The following TVP23A variants were observed in gnomAD, a reference collection of about 807,000 sequenced individuals.
TVP23A encodes trans-golgi network vesicle protein 23 homolog A.
In TVP23A, 21 loss-of-function variants were observed where a neutral mutation model predicts 31.7. The observed-to-expected ratio is 0.66, with a 90% CI of 0.47 to 0.95. TVP23A has a LOEUF of 0.95. TVP23A is among the 40% of genes least tolerant of loss of function. The pLI is 0.00. For missense variants in TVP23A, 279 were observed against 255.6 expected, an observed-to-expected ratio of 1.09 and a Z score of -0.62; for synonymous variants, 104 against 96.0, an observed-to-expected ratio of 1.08 and a Z score of -0.49.
rs2031165713 is a variant in TVP23A at position 10,768,063 on chromosome 16, T to A, written c.*1039A>T. ...TATTTCCATGAGTACTAAATGCAGA[T>A]GCCTGTGGGGCAGGAAGCAACATAA... On this transcript the variant is annotated 3_prime_UTR_variant, in exon 8 of 8. Transcript: ENST00000299866. This position sits in a 1 kb window ranked among gnomAD's most constrained non-coding sequence, Gnocchi z 4.3. 1 of 1,600,688 alleles carries A rather than the reference T, an allele frequency of 6.2e-7. No individual in the cohort carries two copies. Among genetic ancestry groups the A allele is most frequent in the Non-Finnish European group, 8.6e-7 (1 of 1,168,364 alleles).
rs138334387 is a variant in TVP23A, at chr16:10,775,140, G to T, written c.90-44C>A. Reference sequence around the variant, plus strand: ...GGCGCCCTCACTCCAAGAGCTAAGCGGATGGTCACTGAACTCCCTTTACCA... The same window carrying T: ...GGCGCCCTCACTCCAAGAGCTAAGCTGATGGTCACTGAACTCCCTTTACCA... On this transcript the variant is annotated intron_variant, in intron 2 of 7. Coordinates refer to ENST00000299866, the MANE Select transcript of TVP23A (RefSeq NM_001079512.4). 2.5e-6 allele frequency: 4 copies of T among 1,575,602 alleles called. No homozygotes were observed. In the African/African-American group the frequency reaches 4.1e-5, roughly 16 times the overall value.
intron 2 of TVP23A, among the ~76,000 whole-genome samples, chr16:10,781,131 C>T (rs1322896000): frequency 2.6e-5 from 4 of 152,018 alleles, no homozygotes; most frequent in African/African-American, 9.7e-5. Context: ...GAGTTCAAGA[C>T]CAGCCTGGAC....
chr16:10,772,391 A>G (rs564895628), intron 5 of TVP23A, among the ~76,000 whole-genome samples: 1 of 152,184 alleles, frequency 6.6e-6, no homozygotes, highest in Admixed American at 6.5e-5. Flanking sequence ...TTTTTTTAAG[A>G]CGGAGCCTCA....
At chr16:10,787,065 C>T (rs1269789975) in intron 2 of TVP23A, among the ~76,000 whole-genome samples, 2 of 152,130 alleles carry the variant, frequency 1.3e-5, no homozygotes, top group African/African-American at 4.8e-5. Context: ...AAAAAAGAGG[C>T]CACCCCTCTC....
At chr16:10,774,246 AAG>A in intron 3 of TVP23A, 118 bp from the exon 4 acceptor site, 1 of 674,422 alleles carries the variant, frequency 1.5e-6, no homozygotes, top group Non-Finnish European at 2.4e-6. Context: ...AGGAAGAAAA[AAG>A]GCCTTGAATT....
In TVP23A at chr16:10,769,093, C is replaced by T. The variant is rs2031319822; in HGVS notation, c.*9G>A. On this transcript the variant is annotated 3_prime_UTR_variant, in exon 8 of 8. Transcript: ENST00000299866. ...TCCATCAGTCAAAAGAAGAGAACCT[C>T]ATCAGTTCCTGAAACGAGAGAATGT... is the stretch of plus-strand genomic sequence containing the variant. 6.2e-7 allele frequency: 1 copy of T among 1,614,032 alleles called. No individual in the cohort carries two copies. Among genetic ancestry groups the T allele is most frequent in the Non-Finnish European group, 8.5e-7 (1 of 1,179,976 alleles).
chr16:10,757,950 T>C (rs765868039), downstream of TVP23A: 5 of 1,613,814 alleles, frequency 3.1e-6, no homozygotes, highest in Non-Finnish European at 4.2e-6. This position sits in a 1 kb window ranked among gnomAD's most constrained non-coding sequence, Gnocchi z 4.1. Flanking sequence ...ACCTGGGACG[T>C]CGGATGAACA....
intron 2 of TVP23A, among the ~76,000 whole-genome samples, chr16:10,815,071 C>T (rs1339529795): frequency 6.6e-6 from 1 of 152,182 alleles, no homozygotes; most frequent in Non-Finnish European, 1.5e-5. Context: ...ATAGGAGCCC[C>T]AGCTTCTGCC....
In TVP23A at chr16:10,794,055, G is replaced by A. The variant is rs150186215; in HGVS notation, c.90-18959C>T. Among the ~76,000 whole-genome samples, 487 of 152,218 alleles carry A rather than the reference G, an allele frequency of 3.2e-3. 3 individuals are homozygous for A. The highest frequency in any genetic ancestry group is 0.011 in the African/African-American group (459 of 41,536). ...CATTGAATGCTGCACCCCCAGGAGG[G>A]GAGGAACACTGTCTTCACATGTCAG... On this transcript the variant is annotated intron_variant, in intron 2 of 7. Transcript: ENST00000299866.
intron 2 of TVP23A, among the ~76,000 whole-genome samples, chr16:10,798,852 T>TG (rs2033547711): frequency 6.6e-6 from 1 of 151,844 alleles, no homozygotes; most frequent in African/African-American, 2.4e-5. Context: ...TTAGAAGAGA[T>TG]GGGGTTTCAC....
intron 2 of TVP23A, among the ~76,000 whole-genome samples, chr16:10,793,041 C>T (rs2033191922): frequency 6.6e-6 from 1 of 152,206 alleles, no homozygotes; most frequent in Non-Finnish European, 1.5e-5. Context: ...GTAATCCCAG[C>T]ACTCTGGGAG....
intron 2 of TVP23A, among the ~76,000 whole-genome samples, chr16:10,780,875 T>C (rs1050091591): frequency 6.6e-6 from 1 of 151,748 alleles, no homozygotes; most frequent in Non-Finnish European, 1.5e-5. Context: ...ACCACAACTT[T>C]CTCTCACTCC....
At chr16:10,775,739 CTTTT>C (rs1291331666) in intron 2 of TVP23A, among the ~76,000 whole-genome samples, 7 of 138,904 alleles carry the variant, frequency 5.0e-5, no homozygotes, top group African/African-American at 8.4e-5. Context: ...GTGTAAATTG[CTTTT>C]CTTTTTTTTT....
rs143420713 is a variant in TVP23A at position 10,806,459 on chromosome 16, G to C, written c.89+11644C>G. 4.5e-3 allele frequency among the ~76,000 whole-genome samples: 687 copies of C among 152,318 alleles called. 3 individuals are homozygous for C. The highest frequency in any genetic ancestry group is 6.8e-3 in the Middle Eastern group (2 of 294). ...TCTCCCAAATGCCTTCCCAGATTAT[G>C]TGGGTCACAGGTCAGCAGAAATCAC... On this transcript the variant is annotated intron_variant, in intron 2 of 7. Coordinates refer to ENST00000299866, the MANE Select transcript of TVP23A (RefSeq NM_001079512.4).
intron 2 of TVP23A, among the ~76,000 whole-genome samples, chr16:10,780,824 G>A (rs753829331): frequency 6.6e-6 from 1 of 151,674 alleles, no homozygotes; most frequent in African/African-American, 2.4e-5. Flanking sequence ...TCGAAACAAC[G>A]GTTCCACCAC....
intron 3 of TVP23A, 131 bp downstream of exon 3, chr16:10,774,821 C>T (rs2031887580): frequency 1.3e-6 from 1 of 775,690 alleles, no homozygotes; most frequent in Non-Finnish European, 2.0e-6. Context: ...ATTCCCCTTA[C>T]TTTTAAGTGA....
rs2032134326 is a variant in TVP23A at position 10,777,659 on chromosome 16, G to T, written c.90-2563C>A. ...TCTCATCTGAGCCTCTCAGGCTCTT[G>T]GCTCTCCTGGTGACCTGAATGAAAA... On this transcript the variant is annotated intron_variant, in intron 2 of 7. Transcript: ENST00000299866. This position sits in a 1 kb window ranked among gnomAD's most constrained non-coding sequence, Gnocchi z 4.5. 6.6e-6 allele frequency among the ~76,000 whole-genome samples: 1 copy of T among 152,208 alleles called. No individual in the cohort carries two copies. Among genetic ancestry groups the T allele is most frequent in the African/African-American group, 2.4e-5 (1 of 41,442 alleles).
At position 10,766,741 on chromosome 16, in the gene TVP23A, C is replaced by T; in HGVS notation, c.*2361G>A. On this transcript the variant is annotated 3_prime_UTR_variant, in exon 8 of 8. Transcript: ENST00000299866. The surrounding 1 kb of genome is among the most constrained non-coding windows in gnomAD (Gnocchi z 4.8). Reference sequence around the variant, plus strand: ...CTCCACGGTGTGGGAGGAGAACGGGCCTGAGAATAGGGGCTCAAAGGCCCC... The same window carrying T: ...CTCCACGGTGTGGGAGGAGAACGGGTCTGAGAATAGGGGCTCAAAGGCCCC... 1 of 394,354 alleles carries T rather than the reference C, an allele frequency of 2.5e-6. No homozygotes were observed. 24.4% of individuals were successfully genotyped at this position (394,354 alleles called of 1,614,324 possible).
downstream of TVP23A, among the ~76,000 whole-genome samples, chr16:10,758,899 G>T (rs796637151): frequency 2.0e-5 from 3 of 152,330 alleles, no homozygotes; most frequent in African/African-American, 7.2e-5. Context: ...GCTGAGAGGA[G>T]AGCGATAGGA....
Sources: allele counts gnomAD v4.1 joint callset (sites outside exome capture counted in the v4.1 genomes callset), GRCh38; gene constraint gnomAD v4.1.1; non-coding constraint Gnocchi (gnomAD v3.1); transcripts MANE v1.5; gene names NCBI Gene and HGNC (gene_info 2026-07-23, HGNC 2026-07-21).